The following SLC12A7 variants were observed in gnomAD, a reference collection of about 807,000 sequenced individuals.
SLC12A7 encodes solute carrier family 12 member 7.
A neutral mutation model predicts 120.6 loss-of-function variants in SLC12A7; 100 were observed. The observed-to-expected ratio is 0.83, with a 90% CI of 0.71 to 0.98. The LOEUF is 0.98. Among genes scored for constraint, SLC12A7 ranks in the 50% least tolerant of loss-of-function variants. The pLI, the probability that SLC12A7 is intolerant of heterozygous loss-of-function variation, is 0.00. For synonymous variants in SLC12A7, 760 were observed against 678.0 expected, an observed-to-expected ratio of 1.12 and a Z score of -1.88; for missense variants, 1,373 against 1,548.1, an observed-to-expected ratio of 0.89 and a Z score of 1.90.
the SLC12A7 span, among the ~76,000 whole-genome samples, chr5:1,136,735 AGACACC>A: frequency 7.1e-6 from 1 of 141,612 alleles, no homozygotes; most frequent in African/African-American, 2.6e-5. Flanking sequence ...ACGTGTGCTC[AGACACC>A]AACACCAGGA....
upstream of SLC12A7, among the ~76,000 whole-genome samples, chr5:1,115,043 C>T (rs149312795): frequency 2.8e-4 from 42 of 152,332 alleles, no homozygotes; most frequent in East Asian, 5.2e-3. Flanking sequence ...ATTTGTACAT[C>T]GCTGATGAAA....
the SLC12A7 span, among the ~76,000 whole-genome samples, chr5:1,123,431 G>A: frequency 7.2e-5 from 11 of 152,180 alleles, no homozygotes; most frequent in African/African-American, 2.7e-4. Context: ...TCCTGGAGGC[G>A]CACTAGAGCT....
At chr5:1,079,828 T>G (rs1738805569) in intron 9 of SLC12A7, among the ~76,000 whole-genome samples, 1 of 152,094 alleles carries the variant, frequency 6.6e-6, no homozygotes, top group African/African-American at 2.4e-5. Flanking sequence ...GAGACGGTGC[T>G]GAGCAATGGC....
chr5:1,094,845 G>A (rs1740928047), intron 1 of SLC12A7, among the ~76,000 whole-genome samples: 1 of 152,154 alleles, frequency 6.6e-6, no homozygotes, highest in African/African-American at 2.4e-5. Flanking sequence ...GGAAGGCTGG[G>A]CCGGCGACCC....
chr5:1,052,674 G>T (rs1735176595), intron 23 of SLC12A7, among the ~76,000 whole-genome samples: 1 of 152,162 alleles, frequency 6.6e-6, no homozygotes. Flanking sequence ...GGAGCACCGT[G>T]GCCACAGGGA....
At chr5:1,055,576 A>G (rs1735525614) in intron 22 of SLC12A7, among the ~76,000 whole-genome samples, 1 of 152,116 alleles carries the variant, frequency 6.6e-6, no homozygotes, top group Non-Finnish European at 1.5e-5. Context: ...ATGAATACAA[A>G]GCCCACGCGT....
chr5:1,134,501 G>A, the SLC12A7 span, among the ~76,000 whole-genome samples: 2 of 151,906 alleles, frequency 1.3e-5, no homozygotes, highest in African/African-American at 4.8e-5. Flanking sequence ...CCATGAAGAC[G>A]GCTACTATCA....
chr5:1,050,724 G>C lies in SLC12A7; in HGVS notation c.*1636C>G. On this transcript the variant is annotated 3_prime_UTR_variant, in exon 24 of 24. Coordinates refer to ENST00000264930, the MANE Select transcript of SLC12A7 (RefSeq NM_006598.3). ...GACCTGCCGGCCCCATCCAGACATGGAGGAGCGTTTTGCTGCTTAACTCAT... is the reference window on the plus strand; with the variant it reads ...GACCTGCCGGCCCCATCCAGACATGCAGGAGCGTTTTGCTGCTTAACTCAT... 1 of 396,852 alleles carries C rather than the reference G, an allele frequency of 2.5e-6. No individual in the cohort carries two copies. Among genetic ancestry groups the C allele is most frequent in the Non-Finnish European group, 4.4e-6 (1 of 225,438 alleles). 24.6% of individuals were successfully genotyped at this position (396,852 alleles called of 1,614,324 possible).
Position 1,065,286 on chromosome 5 carries a change from C to T in SLC12A7, c.2434G>A (p.Val812Met), listed in dbSNP as rs1340186246. 1.3e-6 allele frequency: 2 copies of T among 1,560,882 alleles called. No individual in the cohort carries two copies. Among genetic ancestry groups the T allele is most frequent in the Admixed American group, 1.8e-5 (1 of 54,206 alleles). The change falls in exon 18 of 24, where the codon GTG (valine) becomes ATG (methionine). Residue 812 changes from valine to methionine, a missense_variant. Coordinates refer to ENST00000264930, the MANE Select transcript of SLC12A7 (RefSeq NM_006598.3). ...EDNPFSWKNF[V>M]DTVRDTTAAH... ...AAGGGCCGCCAGCCATGCCTACCCA[C>T]AAAGTTCTTCCAGGAGAAGGGGTTG...
chr5:1,133,066 C>T, the SLC12A7 span, among the ~76,000 whole-genome samples: 9,433 of 152,148 alleles, frequency 0.062, 631 homozygotes, highest in African/African-American at 0.16. Flanking sequence ...TACAGGCGTG[C>T]GTCACCACAC....
At chr5:1,065,055 G>A in intron 18 of SLC12A7, among the ~76,000 whole-genome samples, 1 of 143,916 alleles carries the variant, frequency 6.9e-6, no homozygotes, top group East Asian at 2.2e-4. Flanking sequence ...GGAGGCAGAG[G>A]GGGACAGTGA....
chr5:1,064,846 G>GGCGAGGGGACGGCGAGGCGACA (rs1561043253), intron 18 of SLC12A7, among the ~76,000 whole-genome samples: 1 of 122,042 alleles, frequency 8.2e-6, no homozygotes, highest in African/African-American at 3.0e-5. Flanking sequence ...GCGAAGCGAC[G>GGCGAGGGGACGGCGAGGCGACA]GCGAGGAGAC....
upstream of SLC12A7, among the ~76,000 whole-genome samples, chr5:1,115,215 C>T (rs77025296): frequency 6.6e-6 from 1 of 152,220 alleles, no homozygotes. Context: ...GCCAGGGGAA[C>T]CCTGGGATTT....
the SLC12A7 span, among the ~76,000 whole-genome samples, chr5:1,145,967 A>T: frequency 3.0e-4 from 45 of 152,322 alleles, no homozygotes; most frequent in Non-Finnish European, 4.7e-4. This position sits in a 1 kb window ranked among gnomAD's most constrained non-coding sequence, Gnocchi z 4.4. Context: ...ATCCTTCTCC[A>T]GAACTTCCTT....
rs1290620972 is a variant in SLC12A7, at chr5:1,088,834, A to G, written c.489+148T>C. On this transcript the variant is annotated intron_variant, in intron 4 of 23. Coordinates refer to ENST00000264930, the MANE Select transcript of SLC12A7 (RefSeq NM_006598.3). Reference sequence around the variant, plus strand: ...GGAGACGGCGCTGAACGACGTCTACACGGGCGTCTGGGGAGGGCCCTACTG... The same window carrying G: ...GGAGACGGCGCTGAACGACGTCTACGCGGGCGTCTGGGGAGGGCCCTACTG... 8.1e-6 allele frequency: 8 copies of G among 988,032 alleles called. No homozygotes were observed. In the East Asian group the frequency reaches 1.2e-4, roughly 15 times the overall value. The allele number at this position is 988,032 out of a possible 1,614,324, so 61.2% of individuals were successfully genotyped here.
the SLC12A7 span, among the ~76,000 whole-genome samples, chr5:1,147,251 C>CGCCCCCCT: frequency 1.2e-5 from 1 of 85,406 alleles, no homozygotes; most frequent in African/African-American, 4.1e-5. Context: ...CACCCCGCCA[C>CGCCCCCCT]CCCCCCCGCC....
the SLC12A7 span, among the ~76,000 whole-genome samples, chr5:1,139,399 G>A: frequency 6.6e-6 from 1 of 152,270 alleles, no homozygotes; most frequent in Non-Finnish European, 1.5e-5. Context: ...ATCCTCACGA[G>A]GGCCCTGGGC....
At chr5:1,061,081 A>G (rs1485616394) in intron 20 of SLC12A7, among the ~76,000 whole-genome samples, 1 of 78,746 alleles carries the variant, frequency 1.3e-5, no homozygotes. Context: ...CACCTGCCGC[A>G]TCCGCCATGC....
chr5:1,104,067 C>A (rs560854638), intron 1 of SLC12A7, among the ~76,000 whole-genome samples: 1 of 152,188 alleles, frequency 6.6e-6, no homozygotes, highest in Non-Finnish European at 1.5e-5. Context: ...GGGCTGCGGT[C>A]GGGGACCCTT....
Sources: allele counts gnomAD v4.1 joint callset (sites outside exome capture counted in the v4.1 genomes callset), GRCh38; gene constraint gnomAD v4.1.1; non-coding constraint Gnocchi (gnomAD v3.1); transcripts MANE v1.5; gene names NCBI Gene and HGNC (gene_info 2026-07-23, HGNC 2026-07-21).